RHOBTB1: variants seen among roughly 807,000 people sequenced by gnomAD.
RHOBTB1 encodes rho-related BTB domain-containing protein 1.
Under a neutral mutation model 71.6 loss-of-function variants are expected in RHOBTB1, and 40 were observed. The ratio of observed to expected loss-of-function variants is 0.56; its 90% CI spans 0.43 to 0.73. The LOEUF is 0.73. Ranked by LOEUF, RHOBTB1 falls within the 30% of genes least tolerant of loss-of-function variation. The probability of loss-of-function intolerance (pLI) is 0.00; values close to 1 mark genes in which losing one functional copy is unlikely to be tolerated. For missense variants in RHOBTB1, 797 were observed against 894.0 expected (o/e 0.89, Z 1.38); for synonymous variants, 319 against 334.9 (o/e 0.95, Z 0.52).
rs1289301585 is a variant in RHOBTB1, at chr10:60,888,348, G to A, written c.1320C>T (p.Leu440=). 5.0e-6 allele frequency: 8 copies of A among 1,614,030 alleles called. No individual in the cohort carries two copies. Among genetic ancestry groups the A allele is most frequent in the Middle Eastern group, 1.7e-4 (1 of 6,060 alleles). Residue 440 remains leucine (L), a synonymous_variant, in exon 6 of 11, where the codon CTC becomes CTT. Transcript: ENST00000337910. ...CCATCATCCTCAAATCGAACATCTC[G>A]AGGACCTCTGCGATCTGAGCCAGGC... ...LVGLAQIAEV[L]EMFDLRMMVE... is the part of the protein sequence containing the mutation.
intron 2 of RHOBTB1, among the ~76,000 whole-genome samples, chr10:60,930,481 T>C (rs755610611): frequency 6.6e-6 from 1 of 152,186 alleles, no homozygotes; most frequent in Non-Finnish European, 1.5e-5. Flanking sequence ...AAGTGTGGAA[T>C]AGTAATGTGA....
intron 4 of RHOBTB1, among the ~76,000 whole-genome samples, chr10:60,903,244 C>T (rs2082495231): frequency 1.3e-5 from 2 of 152,002 alleles, no homozygotes; most frequent in South Asian, 4.1e-4. Flanking sequence ...TGTTTGTGGG[C>T]CTGGAGGGTA....
At chr10:60,966,840 C>T (rs895987673) in intron 2 of RHOBTB1, among the ~76,000 whole-genome samples, 2 of 147,338 alleles carry the variant, frequency 1.4e-5, no homozygotes, top group Non-Finnish European at 3.0e-5. Flanking sequence ...CTCCCCCCTC[C>T]CCCCACCCCA....
intron 2 of RHOBTB1, among the ~76,000 whole-genome samples, chr10:60,934,684 CT>C (rs756857437): frequency 2.6e-5 from 4 of 152,222 alleles, no homozygotes; most frequent in Non-Finnish European, 4.4e-5. Flanking sequence ...TAATGATCAG[CT>C]GCCAAATTTA....
chr10:60,993,879 A>G (rs2086953460), intron 1 of RHOBTB1, among the ~76,000 whole-genome samples: 1 of 152,130 alleles, frequency 6.6e-6, no homozygotes, highest in African/African-American at 2.4e-5. Flanking sequence ...GTAGTAATTA[A>G]TTTTTTGGTG....
intron 2 of RHOBTB1, among the ~76,000 whole-genome samples, chr10:60,922,924 C>A (rs1330093511): frequency 1.3e-5 from 2 of 152,164 alleles, no homozygotes; most frequent in East Asian, 3.8e-4. Context: ...TAAGACTGAA[C>A]ATTAGTATAA....
At chr10:60,996,952 A>G (rs903755399) in intron 1 of RHOBTB1, among the ~76,000 whole-genome samples, 22 of 152,122 alleles carry the variant, frequency 1.4e-4, no homozygotes, top group African/African-American at 5.3e-4. Flanking sequence ...ATGAAACTTA[A>G]CACTCAACTC....
At chr10:60,957,603 A>T (rs1455468859) in intron 2 of RHOBTB1, among the ~76,000 whole-genome samples, 4 of 152,174 alleles carry the variant, frequency 2.6e-5, no homozygotes, top group African/African-American at 9.6e-5. Flanking sequence ...ACCAATCTGA[A>T]TCAAATGCTA....
At chr10:60,992,369 G>A (rs146269479) in intron 1 of RHOBTB1, among the ~76,000 whole-genome samples, 457 of 152,142 alleles carry the variant, frequency 3.0e-3, no homozygotes, top group African/African-American at 0.01. Flanking sequence ...CTTCATTTTC[G>A]CTACTGTATA....
chr10:60,918,633 A>G (rs2083394560), intron 2 of RHOBTB1, among the ~76,000 whole-genome samples: 2 of 152,214 alleles, frequency 1.3e-5, no homozygotes, highest in African/African-American at 4.8e-5. Flanking sequence ...TCACTTGTCT[A>G]AGAAACCCCA....
chr10:60,963,278 A>G (rs184030509), intron 2 of RHOBTB1, among the ~76,000 whole-genome samples: 3 of 152,308 alleles, frequency 2.0e-5, no homozygotes, highest in African/African-American at 7.2e-5. Context: ...GATGTCATCA[A>G]TCTTTTTCTT....
At chr10:60,996,242 G>A (rs763599382) in intron 1 of RHOBTB1, among the ~76,000 whole-genome samples, 5 of 152,106 alleles carry the variant, frequency 3.3e-5, no homozygotes, top group Non-Finnish European at 5.9e-5. Flanking sequence ...AACATGGGCA[G>A]TCTAAACCCT....
At chr10:60,989,460 A>G (rs2086782263) in intron 1 of RHOBTB1, among the ~76,000 whole-genome samples, 1 of 152,174 alleles carries the variant, frequency 6.6e-6, no homozygotes, top group Admixed American at 6.5e-5. Flanking sequence ...ATACGTTGAT[A>G]CTTGTTGAAT....
intron 8 of RHOBTB1, among the ~76,000 whole-genome samples, chr10:60,876,342 AC>A (rs2081052155): frequency 6.6e-6 from 1 of 152,174 alleles, no homozygotes; most frequent in African/African-American, 2.4e-5. Context: ...GCATTTAATA[AC>A]TAAACTAAGT....
At chr10:60,958,682 C>T (rs2085677518) in intron 2 of RHOBTB1, among the ~76,000 whole-genome samples, 1 of 152,122 alleles carries the variant, frequency 6.6e-6, no homozygotes, top group South Asian at 2.1e-4. Context: ...CAGTTCACTG[C>T]CTTGACTGCC....
At chr10:60,986,281 C>A (rs1053787902) in intron 1 of RHOBTB1, among the ~76,000 whole-genome samples, 1 of 151,520 alleles carries the variant, frequency 6.6e-6, no homozygotes, top group African/African-American at 2.4e-5. Flanking sequence ...TTTTGACAGT[C>A]AAATGAGATA....
In RHOBTB1 at chr10:60,888,868, T is replaced by C; in HGVS notation, c.800A>G (p.Asp267Gly). The change falls in exon 6 of 11, where the codon GAT becomes GGT. Residue 267 changes from aspartate (D) to glycine (G), a missense_variant. By Grantham distance (94) the Asp-to-Gly change is moderately conservative. Coordinates refer to ENST00000337910, the MANE Select transcript of RHOBTB1 (RefSeq NM_014836.5). ...ACLLDNPLCA[D>G]VLFILQDQEH... ...CTGGTCCTGAAGGATGAACAGAACA[T>C]CGGCACATAGAGGATTGTCCAGTAA... 1 of 1,614,158 alleles carries C rather than the reference T, an allele frequency of 6.2e-7. No homozygotes were observed. The highest frequency in any genetic ancestry group is 1.1e-5 in the South Asian group (1 of 91,074).
chr10:60,884,735 A>G (rs1349901241), intron 7 of RHOBTB1, among the ~76,000 whole-genome samples: 3 of 152,234 alleles, frequency 2.0e-5, no homozygotes, highest in South Asian at 4.1e-4. Flanking sequence ...AGCCAGGTAC[A>G]GAGAGACAAA....
At chr10:60,998,239 C>T (rs544889074) in intron 1 of RHOBTB1, among the ~76,000 whole-genome samples, 5 of 152,236 alleles carry the variant, frequency 3.3e-5, no homozygotes, top group Non-Finnish European at 7.4e-5. Flanking sequence ...TAGGCTTTCC[C>T]AAGGAAGGGA....
Sources: allele counts gnomAD v4.1 joint callset (sites outside exome capture counted in the v4.1 genomes callset), GRCh38; gene constraint gnomAD v4.1.1; transcripts MANE v1.5; gene names NCBI Gene and HGNC (gene_info 2026-07-23, HGNC 2026-07-21).